DDX27: variants seen among roughly 807,000 people sequenced by gnomAD.
DDX27 encodes probable ATP-dependent RNA helicase DDX27.
In DDX27, 42 loss-of-function variants were observed where a neutral mutation model predicts 99.3. That is an observed-to-expected ratio of 0.42 (90% CI 0.33 to 0.55). DDX27 has a LOEUF of 0.55. Among genes scored for constraint, DDX27 ranks in the 20% least tolerant of loss-of-function variants. DDX27 has a pLI of 0.07. For synonymous variants in DDX27, 329 were observed against 353.8 expected (o/e 0.93, Z 0.79); for missense variants, 798 against 976.8 (o/e 0.82, Z 2.44).
rs778007969 is a variant in DDX27, at chr20:49,228,871, C to A, written c.863C>A (p.Thr288Asn). 8 of 1,597,592 alleles carry A rather than the reference C, an allele frequency of 5.0e-6. No individual in the cohort carries two copies. Among genetic ancestry groups the A allele is most frequent in the Non-Finnish European group, 6.8e-6 (8 of 1,168,228 alleles). ...TRQLAQFCNI[T>N]TCLAVGGLDV... is the part of the protein sequence containing the mutation. ...CAGCTGGCCCAGTTCTGCAACATCA[C>A]CACCTGCCTGGCTGTGGGTGAGTTT... Residue 288 changes from threonine to asparagine, a missense_variant, in exon 8 of 21, where the codon ACC becomes AAC. Physicochemically the swap from Thr to Asn is moderately conservative, Grantham distance 65. Coordinates refer to ENST00000618172, the MANE Select transcript of DDX27 (RefSeq NM_017895.8).
chr20:49,239,504 A>G (rs1425483355), intron 16 of DDX27, among the ~76,000 whole-genome samples, 166 bp downstream of exon 16: 1 of 152,130 alleles, frequency 6.6e-6, no homozygotes, highest in Admixed American at 6.5e-5. Context: ...TGGGGGTTGC[A>G]TTAGATTCTC....
chr20:49,230,186 C>T lies in DDX27; in HGVS notation c.881-13C>T, dbSNP rs1980051119. Reference sequence around the variant, plus strand: ...TGACCTGGCCGCCTGGTGGGGCTCTCTTCTCTTTGCAGGCGGCTTGGATGT... The same window carrying T: ...TGACCTGGCCGCCTGGTGGGGCTCTTTTCTCTTTGCAGGCGGCTTGGATGT... On this transcript the variant is annotated splice_polypyrimidine_tract_variant and intron_variant, in intron 8 of 20. Coordinates refer to ENST00000618172, the MANE Select transcript of DDX27 (RefSeq NM_017895.8). The T allele has an allele frequency of 6.2e-7, 1 of 1,606,578 alleles. No homozygotes were observed. The highest frequency in any genetic ancestry group is 8.5e-7 in the Non-Finnish European group (1 of 1,177,182).
At chr20:49,225,222 T>A (rs771493674) in intron 6 of DDX27, 23 bp downstream of exon 6, 1 of 1,599,456 alleles carries the variant, frequency 6.3e-7, no homozygotes, top group Non-Finnish European at 8.6e-7. Flanking sequence ...TGTCAAAAAT[T>A]TTCTTTGTAG....
rs1979551485 is a variant in DDX27 at position 49,219,526 on chromosome 20, G to C, written c.78G>C (p.Gly26=). The C allele has an allele frequency of 6.2e-7, 1 of 1,613,820 alleles. No homozygotes were observed. The highest frequency in any genetic ancestry group is 1.1e-5 in the South Asian group (1 of 91,052). ...EVPVEPESDS[G]DEEEEGPIVL... ...CGGTGGAGCCCGAGTCTGACTCCGG[G>C]GACGAGGAAGAGGAGGTATGAGCAC... Residue 26 remains glycine (G), a synonymous_variant, in exon 1 of 21, where the codon GGG becomes GGC. Transcript: ENST00000618172.
chr20:49,225,125 T>A lies in DDX27; in HGVS notation c.526T>A (p.Phe176Ile), dbSNP rs763528800. The change falls in exon 6 of 21, where the codon TTT becomes ATT. Residue 176 changes from phenylalanine (F) to isoleucine (I), a missense_variant. This residue lies in a region of DDX27 where 245 missense variants were observed against 248.8 expected (regional missense o/e 0.98). Coordinates refer to ENST00000618172, the MANE Select transcript of DDX27 (RefSeq NM_017895.8). ...KKKKGQEAGG[F>I]FEDASQYDEN... ...TTTTCTGGTGTAGGAAGCAGGAGGA[T>A]TTTTTGAAGATGCATCTCAGTACGA... The A allele has an allele frequency of 1.4e-4, 233 of 1,613,986 alleles. 3 individuals are homozygous for A. The South Asian group carries it at 2.3e-3, about 16-fold the overall frequency.
rs748597617 is a variant in DDX27, at chr20:49,233,364, C to T, written c.1090C>T (p.His364Tyr). The T allele has an allele frequency of 2.2e-5, 36 of 1,613,938 alleles. No homozygotes were observed. The highest frequency in any genetic ancestry group is 3.0e-5 in the Non-Finnish European group (35 of 1,180,034). Reference protein sequence around the residue: ...MKEIIRMCSHHRQTMLFSATM... With the variant: ...MKEIIRMCSHYRQTMLFSATM... ...GGAGATCATCCGAATGTGTTCCCAC[C>T]ACCGCCAGACCATGCTCTTCTCGGC... The change falls in exon 10 of 21, where the codon CAC becomes TAC. Residue 364 changes from histidine to tyrosine, a missense_variant. Coordinates refer to ENST00000618172, the MANE Select transcript of DDX27 (RefSeq NM_017895.8).
intron 6 of DDX27, among the ~76,000 whole-genome samples, chr20:49,226,202 C>A (rs1979880228): frequency 6.6e-6 from 1 of 152,180 alleles, no homozygotes; most frequent in Non-Finnish European, 1.5e-5. Flanking sequence ...TCTGTTTCTA[C>A]CAGACTGTAA....
At chr20:49,232,356 G>A (rs1331256312) in intron 9 of DDX27, among the ~76,000 whole-genome samples, 3 of 152,152 alleles carry the variant, frequency 2.0e-5, no homozygotes, top group South Asian at 2.1e-4. Context: ...TTGGCCTGGC[G>A]TAGTGGCTCA....
chr20:49,242,717 CTTTTTTTTTTTTTTT>C (rs71186444), intron 19 of DDX27, 36 bp downstream of exon 19: 193 of 1,418,038 alleles, frequency 1.4e-4, no homozygotes, highest in Non-Finnish European at 1.6e-4. Context: ...CCTTGGTATT[CTTTTTTTTTTTTTTT>C]TTTTTTTTGA....
intron 4 of DDX27, 29 bp from the exon 5 acceptor site, chr20:49,224,916 G>A (rs1354612319): frequency 2.3e-5 from 37 of 1,613,648 alleles, no homozygotes; most frequent in Non-Finnish European, 3.0e-5. Flanking sequence ...AGTCTGAGCC[G>A]TGGTCATCAG....
chr20:49,241,600 G>A (rs1980478584), intron 16 of DDX27, among the ~76,000 whole-genome samples: 1 of 151,850 alleles, frequency 6.6e-6, no homozygotes, highest in Non-Finnish European at 1.5e-5. Flanking sequence ...AGCCTCCCAA[G>A]TAGCTGGGAT....
intron 5 of DDX27, 26 bp downstream of exon 5, chr20:49,225,017 T>TG: frequency 6.2e-7 from 1 of 1,614,132 alleles, no homozygotes; most frequent in Non-Finnish European, 8.5e-7. Flanking sequence ...CAAGACAGTA[T>TG]GCAGCTTGTT....
chr20:49,242,985 G>A (rs1488628309), intron 19 of DDX27, among the ~76,000 whole-genome samples: 2 of 152,132 alleles, frequency 1.3e-5, no homozygotes, highest in Non-Finnish European at 2.9e-5. Context: ...CTCCCAAAGT[G>A]CTGGGATTAC....
In DDX27 at chr20:49,232,763, CAAAAAAAAAAAAAAAA is replaced by C. The variant is rs3061137; in HGVS notation, c.1032-531_1032-516del. On this transcript the variant is annotated intron_variant, in intron 9 of 20. Transcript: ENST00000618172. ...TGGGCGACAGAGCGAGACTCCGTCT[CAAAAAAAAAAAAAAAA>C]AAAAAAAAAAATTAAGTGGGTGTGG... 6.5e-5 allele frequency: 4 copies of C among 61,822 alleles called. No homozygotes were observed. In the South Asian group the frequency reaches 2.6e-3, roughly 40 times the overall value. 3.8% of individuals were successfully genotyped at this position (61,822 alleles called of 1,614,324 possible).
intron 11 of DDX27, 147 bp from the exon 12 acceptor site, chr20:49,234,788 C>A: frequency 1.1e-6 from 1 of 915,608 alleles, no homozygotes; most frequent in Non-Finnish European, 1.5e-6. Context: ...TCTCTGTATC[C>A]ACCCTGGAAT....
At chr20:49,221,022 C>T (rs1156920387) in intron 1 of DDX27, among the ~76,000 whole-genome samples, 1 of 152,130 alleles carries the variant, frequency 6.6e-6, no homozygotes, top group Non-Finnish European at 1.5e-5. Flanking sequence ...AGTGCAGTGG[C>T]GCGATCTCGG....
chr20:49,228,631 T>C, intron 7 of DDX27, 84 bp from the exon 8 acceptor site: 4 of 1,273,542 alleles, frequency 3.1e-6, no homozygotes, highest in Non-Finnish European at 4.3e-6. Flanking sequence ...CAACCAGACG[T>C]AGTTTTTCTG....
intron 14 of DDX27, among the ~76,000 whole-genome samples, chr20:49,237,429 G>A (rs1980342211): frequency 1.3e-5 from 2 of 152,210 alleles, no homozygotes; most frequent in Non-Finnish European, 2.9e-5. Context: ...GCATTTAGGT[G>A]TATGTCTTTT....
intron 14 of DDX27, chr20:49,238,412 TCTC>T (rs1980370515): frequency 6.4e-6 from 1 of 155,546 alleles, no homozygotes; most frequent in Non-Finnish European, 1.4e-5. Context: ...AAGCAGTTCT[TCTC>T]CTCAGCCTCC....
Sources: gnomAD v4.1 joint callset for allele counts (sites outside exome capture counted in the v4.1 genomes callset) on GRCh38, gnomAD v4.1.1 for gene constraint, gnomAD v4.1.1 regional missense constraint, MANE v1.5 for transcripts, NCBI Gene and HGNC (gene_info 2026-07-23, HGNC 2026-07-21) for gene names.